ERICH1: variants seen among roughly 807,000 people sequenced by gnomAD.
ERICH1 encodes the protein glutamate-rich protein 1.
ERICH1 carries 56 observed loss-of-function variants against 39.6 expected under a neutral mutation model. That is an observed-to-expected ratio of 1.41 (90% confidence interval 1.14 to 1.77). The LOEUF (loss-of-function observed/expected upper bound fraction) is 1.77. ERICH1 is among the 40% of genes most tolerant of loss of function. The pLI is 0.00. For synonymous variants in ERICH1, 313 were observed against 223.6 expected (o/e 1.40, Z -3.57); for missense variants, 826 against 575.4 (o/e 1.44, Z -4.45).
intron 2 of ERICH1, among the ~76,000 whole-genome samples, chr8:714,870 C>T (rs546700522): frequency 6.6e-6 from 1 of 150,804 alleles, no homozygotes; most frequent in South Asian, 2.1e-4. Flanking sequence ...GGTCTATTCC[C>T]GTGTCTCTCG....
chr8:619,440 A>G, intron 3 of ERICH1, among the ~76,000 whole-genome samples: 1 of 152,244 alleles, frequency 6.6e-6, no homozygotes, highest in East Asian at 1.9e-4. Context: ...CATTATTTGT[A>G]TTATAACATA....
At chr8:640,286 A>G (rs999883699) in intron 3 of ERICH1, among the ~76,000 whole-genome samples, 1 of 152,190 alleles carries the variant, frequency 6.6e-6, no homozygotes, top group Non-Finnish European at 1.5e-5. Context: ...AACTTTTCAC[A>G]TCCCAATTCC....
At chr8:681,744 C>T (rs1026294863) in intron 3 of ERICH1, among the ~76,000 whole-genome samples, 1 of 152,206 alleles carries the variant, frequency 6.6e-6, no homozygotes, top group African/African-American at 2.4e-5. Context: ...AAGCAGAAGC[C>T]GCACTTACAT....
chr8:700,479 G>GGCGCACAGACCCGCACAC (rs1811812086), intron 2 of ERICH1, among the ~76,000 whole-genome samples: 2 of 18,202 alleles, frequency 1.1e-4, no homozygotes, highest in African/African-American at 2.4e-4. Flanking sequence ...GACCCGCACA[G>GGCGCACAGACCCGCACAC]GCGCACAGGC....
At chr8:670,742 T>C (rs900814228) in intron 4 of ERICH1, among the ~76,000 whole-genome samples, 1 of 152,192 alleles carries the variant, frequency 6.6e-6, no homozygotes, top group African/African-American at 2.4e-5. Context: ...AGTTCTGTTC[T>C]CTGACCTCTG....
chr8:707,272 A>ATCTTGGCTCACTGCAACC (rs1445852794), intron 2 of ERICH1, among the ~76,000 whole-genome samples: 1 of 145,266 alleles, frequency 6.9e-6, no homozygotes, highest in Non-Finnish European at 1.5e-5. Flanking sequence ...CAATGATGCG[A>ATCTTGGCTCACTGCAACC]TCTTGGCTCA....
chr8:616,506 G>A, intron 3 of ERICH1: 2 of 456,038 alleles, frequency 4.4e-6, no homozygotes, highest in Non-Finnish European at 8.8e-6. Flanking sequence ...ACTGCTCCCA[G>A]GAATTTGGAG....
At chr8:666,504 AG>A (rs1364522347) in intron 5 of ERICH1, 4 of 152,284 alleles carry the variant, frequency 2.6e-5, no homozygotes, top group Admixed American at 1.3e-4. Flanking sequence ...GTGCCTTCTC[AG>A]GAGCACTGCC....
intron 3 of ERICH1, among the ~76,000 whole-genome samples, chr8:634,906 G>A (rs1408623183): frequency 1.3e-5 from 2 of 152,160 alleles, no homozygotes; most frequent in East Asian, 1.9e-4. Context: ...GCAGCGTCCC[G>A]CAAGGACCTT....
chr8:664,317 AC>A lies in ERICH1; in HGVS notation c.*285del. 1 of 1,077,548 alleles carries A rather than the reference AC, an allele frequency of 9.3e-7. No individual in the cohort carries two copies. Among genetic ancestry groups the A allele is most frequent in the South Asian group, 4.2e-5 (1 of 23,984 alleles). The allele number at this position is 1,077,548 out of a possible 1,614,324, so 66.7% of individuals were successfully genotyped here. On this transcript the variant is annotated 3_prime_UTR_variant, in exon 6 of 6. Coordinates refer to ENST00000262109, the MANE Select transcript of ERICH1 (RefSeq NM_207332.3). ...AGCTTCAAACTATACATTTAACTTA[AC>A]AGAATGTCCATTTTCAATTTTTACA...
chr8:721,539 A>G lies in ERICH1; in HGVS notation c.23-5532T>C, dbSNP rs370306702. On this transcript the variant is annotated intron_variant, in intron 1 of 5. Transcript: ENST00000262109. Reference sequence around the variant, plus strand: ...CTCAGGGCCTTTACCACCAGTGCTCACACTGTTTATTTACACAGAAATAAT... The same window carrying G: ...CTCAGGGCCTTTACCACCAGTGCTCGCACTGTTTATTTACACAGAAATAAT... 2.1e-3 allele frequency among the ~76,000 whole-genome samples: 319 copies of G among 152,342 alleles called. 1 individual carries two copies. The highest frequency in any genetic ancestry group is 7.5e-3 in the African/African-American group (310 of 41,592).
At chr8:637,084 G>A (rs2117172557) in intron 3 of ERICH1, among the ~76,000 whole-genome samples, 1 of 152,384 alleles carries the variant, frequency 6.6e-6, no homozygotes, top group South Asian at 2.1e-4. Flanking sequence ...GCTGCTTCCT[G>A]TTGCCTGAAG....
At chr8:639,993 C>T (rs187903010) in intron 3 of ERICH1, among the ~76,000 whole-genome samples, 1 of 152,250 alleles carries the variant, frequency 6.6e-6, no homozygotes, top group African/African-American at 2.4e-5. Flanking sequence ...TAAAAGCTGC[C>T]GCACACATGC....
At chr8:676,898 T>A (rs1804972502) in intron 3 of ERICH1, among the ~76,000 whole-genome samples, 1 of 152,240 alleles carries the variant, frequency 6.6e-6, no homozygotes. Flanking sequence ...TGAAACAACG[T>A]GAGTGAAGTT....
chr8:674,523 C>T (rs149116106), intron 3 of ERICH1, among the ~76,000 whole-genome samples: 1,718 of 152,186 alleles, frequency 0.011, 14 homozygotes, highest in Non-Finnish European at 0.015. Flanking sequence ...AGGGTTGTCT[C>T]AAACTCCTGG....
intron 2 of ERICH1, among the ~76,000 whole-genome samples, chr8:695,717 TCTACTTCCTCCCCATCA>T (rs1810054848): frequency 9.9e-6 from 1 of 101,410 alleles, no homozygotes; most frequent in African/African-American, 4.6e-5. Context: ...CCTCCACTCC[TCTACTTCCTCCCCATCA>T]GCCTGCGCCT....
intron 3 of ERICH1, among the ~76,000 whole-genome samples, chr8:687,237 C>A (rs998915164): frequency 2.0e-5 from 3 of 152,218 alleles, no homozygotes; most frequent in Admixed American, 6.5e-5. Context: ...TGGATCTGAG[C>A]ACAGAATCTG....
chr8:618,692 C>T (rs992206075), intron 3 of ERICH1, among the ~76,000 whole-genome samples: 3 of 152,144 alleles, frequency 2.0e-5, no homozygotes, highest in African/African-American at 4.8e-5. Context: ...ACACACAGCA[C>T]GCTTGGAACA....
intron 3 of ERICH1, among the ~76,000 whole-genome samples, chr8:637,019 G>A (rs1272099001): frequency 3.3e-5 from 5 of 152,224 alleles, no homozygotes; most frequent in South Asian, 4.1e-4. Context: ...CAAACGCACC[G>A]AAGGCGTCCA....
Sources: allele counts gnomAD v4.1 joint callset (sites outside exome capture counted in the v4.1 genomes callset), GRCh38; gene constraint gnomAD v4.1.1; transcripts MANE v1.5; gene names NCBI Gene and HGNC (gene_info 2026-07-23, HGNC 2026-07-21).